The following MICAL3 variants were observed in gnomAD, a reference collection of about 807,000 sequenced individuals.
MICAL3 encodes the protein [F-actin]-monooxygenase MICAL3.
Under a neutral mutation model 207.4 loss-of-function variants are expected in MICAL3, and 62 were observed. The observed-to-expected ratio is 0.30, with a 90% confidence interval of 0.24 to 0.37. MICAL3 has a LOEUF of 0.37. MICAL3 is among the 10% of genes least tolerant of loss of function. The pLI is 1.00. For missense variants in MICAL3, 2,368 were observed against 2,635.6 expected, an observed-to-expected ratio of 0.90 and a Z score of 2.22; for synonymous variants, 1,077 against 1,069.3, an observed-to-expected ratio of 1.01 and a Z score of -0.14.
rs535965021 is a variant in MICAL3 at position 17,929,572 on chromosome 22, T to C, written c.-74-22686A>G. Among the ~76,000 whole-genome samples, 8 of 128,908 alleles carry C rather than the reference T, an allele frequency of 6.2e-5. No individual in the cohort carries two copies. The East Asian group carries it at 1.2e-3, about 20-fold the overall frequency. The allele number at this position is 128,908 out of a possible 152,430, so 84.6% of individuals were successfully genotyped here. On this transcript the variant is annotated intron_variant, in intron 1 of 31. Transcript: ENST00000441493. ...TTCTTTCTTTCCTTTTCTTTTCTTT[T>C]TTTTTTTTTTTTTTTGACAGGGTCT...
chr22:17,896,438 G>C, intron 8 of MICAL3, 77 bp from the exon 9 acceptor site: 2 of 961,160 alleles, frequency 2.1e-6, no homozygotes, highest in Non-Finnish European at 3.2e-6. Context: ...AAGGAACAAA[G>C]AGTTTGCTGT....
intron 1 of MICAL3, chr22:18,007,306 C>T (rs1923450859): frequency 6.6e-6 from 1 of 152,144 alleles, no homozygotes; most frequent in African/African-American, 2.4e-5. Flanking sequence ...GTACATGTGT[C>T]ATATATCTTC....
At chr22:17,911,948 T>C (rs556966259) in intron 1 of MICAL3, among the ~76,000 whole-genome samples, 4 of 152,368 alleles carry the variant, frequency 2.6e-5, no homozygotes, top group Non-Finnish European at 5.9e-5. Context: ...TCCTTCAACA[T>C]AGGCAACTTA....
In MICAL3 at chr22:17,788,559, G is replaced by T. The variant is rs974568837; in HGVS notation, c.*2173C>A. The T allele has an allele frequency of 1.3e-5, 2 of 152,270 alleles. No homozygotes were observed. Among genetic ancestry groups the T allele is most frequent in the South Asian group, 4.1e-4 (2 of 4,838 alleles). The allele number at this position is 152,270 out of a possible 1,614,324, so 9.4% of individuals were successfully genotyped here. A position where few individuals can be genotyped will look rare whatever the true frequency, so the allele number is the denominator to read the frequency against. On this transcript the variant is annotated 3_prime_UTR_variant, in exon 32 of 32. Coordinates refer to ENST00000441493, the MANE Select transcript of MICAL3 (RefSeq NM_015241.3). ...GGGAAAGGCCACGCAGGCAGTGAAG[G>T]TCTTTTCCCACGTCCAATTTTATGG...
rs373333996 is a variant in MICAL3 at position 17,850,464 on chromosome 22, G to A, written c.2606-8447C>T. On this transcript the variant is annotated intron_variant, in intron 19 of 31. Transcript: ENST00000441493. ...CTCACTCTGTTACCCAGGCTGGAGT[G>A]CAGTGGTGCGATCTTGGCTCACTGC... Among the ~76,000 whole-genome samples, 19 of 136,302 alleles carry A rather than the reference G, an allele frequency of 1.4e-4. 1 individual carries two copies. In the South Asian group the frequency reaches 4.2e-3, roughly 30 times the overall value. 89.4% of individuals were successfully genotyped at this position (136,302 alleles called of 152,430 possible). A position where few individuals can be genotyped will look rare whatever the true frequency, so the allele number is the denominator to read the frequency against.
chr22:17,994,067 CAG>C (rs750617527), intron 1 of MICAL3, among the ~76,000 whole-genome samples: 1 of 152,208 alleles, frequency 6.6e-6, no homozygotes, highest in Non-Finnish European at 1.5e-5. Flanking sequence ...GCACTCAGGA[CAG>C]TGTGGCATGG....
rs530661952 is a variant in MICAL3, at chr22:17,869,172, A to G, written c.2428+2665T>C. On this transcript the variant is annotated intron_variant, in intron 17 of 31. Coordinates refer to ENST00000441493, the MANE Select transcript of MICAL3 (RefSeq NM_015241.3). ...CAGCATGCTGGGGGCAGCTGACGGC[A>G]GAGGCTGGGGTGGACACGCAATGCT... Among the ~76,000 whole-genome samples the G allele has an allele frequency of 9.2e-5, 14 of 152,300 alleles. No individual in the cohort carries two copies. The East Asian group carries it at 2.5e-3, about 27-fold the overall frequency.
intron 1 of MICAL3, among the ~76,000 whole-genome samples, chr22:17,956,653 C>T (rs983142768): frequency 2.6e-5 from 4 of 152,060 alleles, no homozygotes; most frequent in Admixed American, 6.6e-5. Flanking sequence ...TGGGCACAGC[C>T]GACTCCTGCA....
At chr22:17,932,123 G>A (rs1014470122) in intron 1 of MICAL3, among the ~76,000 whole-genome samples, 2 of 152,142 alleles carry the variant, frequency 1.3e-5, no homozygotes, top group Admixed American at 6.5e-5. Context: ...AGAAAATACA[G>A]AGAACACCAC....
chr22:17,836,800 C>T (rs780509438), intron 20 of MICAL3, among the ~76,000 whole-genome samples: 3 of 152,118 alleles, frequency 2.0e-5, no homozygotes, highest in South Asian at 2.1e-4. Context: ...CCCGCCACCA[C>T]GCCTGGCTAA....
At chr22:17,935,650 G>A (rs1302883170) in intron 1 of MICAL3, among the ~76,000 whole-genome samples, 1 of 152,176 alleles carries the variant, frequency 6.6e-6, no homozygotes, top group South Asian at 2.1e-4. Context: ...GCAACCTACA[G>A]AATGGGAGAA....
At chr22:17,977,648 T>G (rs183361473) in intron 1 of MICAL3, among the ~76,000 whole-genome samples, 1 of 152,280 alleles carries the variant, frequency 6.6e-6, no homozygotes, top group East Asian at 1.9e-4. Flanking sequence ...TGGAAAAGTT[T>G]GACAGCTCCT....
intron 1 of MICAL3, among the ~76,000 whole-genome samples, chr22:17,953,874 T>A (rs765047699): frequency 8.4e-5 from 11 of 130,720 alleles, no homozygotes; most frequent in Non-Finnish European, 1.6e-4. Context: ...GAGGTTGCAG[T>A]GAGCCGAGAT....
chr22:17,827,926 C>CAT, intron 21 of MICAL3, 145 bp from the exon 22 acceptor site: 1 of 671,844 alleles, frequency 1.5e-6, no homozygotes, highest in Non-Finnish European at 2.4e-6. Context: ...AACATGTATG[C>CAT]ACATGTATAC....
intron 29 of MICAL3, among the ~76,000 whole-genome samples, chr22:17,798,429 G>A (rs1462784768): frequency 6.6e-6 from 1 of 152,146 alleles, no homozygotes; most frequent in African/African-American, 2.4e-5. Context: ...TGGTCTCTGA[G>A]GATCACGCTC....
Position 17,865,085 on chromosome 22 carries a change from TTTTATTTATTTA to T in MICAL3, c.2518-111_2518-100del, listed in dbSNP as rs200555386. 3.1e-3 allele frequency: 1,807 copies of T among 583,986 alleles called. 33 individuals are homozygous for T. The highest frequency in any genetic ancestry group is 0.026 in the African/African-American group (1,197 of 45,528). The allele number at this position is 583,986 out of a possible 1,614,324, so 36.2% of individuals were successfully genotyped here. A position where few individuals can be genotyped will look rare whatever the true frequency, so the allele number is the denominator to read the frequency against. On this transcript the variant is annotated intron_variant, in intron 18 of 31. Coordinates refer to ENST00000441493, the MANE Select transcript of MICAL3 (RefSeq NM_015241.3). ...GACAATCTGACACGCTGGTTTTAAA[TTTTATTTATTTA>T]TTTATTTATTTATTTATTTATTTAT...
At chr22:17,923,646 T>C (rs1489367497) in intron 1 of MICAL3, among the ~76,000 whole-genome samples, 1 of 152,250 alleles carries the variant, frequency 6.6e-6, no homozygotes, top group East Asian at 1.9e-4. Flanking sequence ...TCTAGTTTGC[T>C]ACAGGCACAG....
At chr22:17,957,507 C>G (rs1166563923) in intron 1 of MICAL3, among the ~76,000 whole-genome samples, 2 of 152,102 alleles carry the variant, frequency 1.3e-5, no homozygotes, top group Non-Finnish European at 2.9e-5. Flanking sequence ...GCCAGGAATT[C>G]TAGACCAGTC....
intron 12 of MICAL3, 25 bp from the exon 13 acceptor site, chr22:17,889,255 T>C (rs752727438): frequency 7.1e-6 from 11 of 1,554,158 alleles, no homozygotes; most frequent in Non-Finnish European, 8.9e-6. Flanking sequence ...AAGGAAAACA[T>C]ATCAAGATAG....
Sources: allele counts gnomAD v4.1 joint callset (sites outside exome capture counted in the v4.1 genomes callset), GRCh38; gene constraint gnomAD v4.1.1; transcripts MANE v1.5; gene names NCBI Gene and HGNC (gene_info 2026-07-23, HGNC 2026-07-21).